NAV2: variants seen among roughly 807,000 people sequenced by gnomAD.
The protein encoded by NAV2 is helicase, APC down-regulated 1.
A neutral mutation model predicts 223.2 loss-of-function variants in NAV2; 54 were observed. The ratio of observed to expected loss-of-function variants is 0.24; its 90% CI spans 0.19 to 0.30. The LOEUF is 0.30. NAV2 is among the 10% of genes least tolerant of loss of function. The pLI, the probability that NAV2 is intolerant of heterozygous loss-of-function variation, is 1.00. For synonymous variants in NAV2, 1,279 were observed against 1,239.3 expected (o/e 1.03, Z -0.67); for missense variants, 2,806 against 3,147.5 (o/e 0.89, Z 2.60).
chr11:19,788,836 A>T (rs1016962119), intron 1 of NAV2, among the ~76,000 whole-genome samples: 2 of 152,052 alleles, frequency 1.3e-5, no homozygotes, highest in African/African-American at 4.8e-5. Context: ...ATCTCTCAGG[A>T]ACTCTACCTA....
At chr11:19,594,890 A>C (rs1203374274) in intron 1 of NAV2, among the ~76,000 whole-genome samples, 1 of 152,230 alleles carries the variant, frequency 6.6e-6, no homozygotes, top group Non-Finnish European at 1.5e-5. Flanking sequence ...ACTTGCAAAG[A>C]TCCTCTCTCA....
intron 11 of NAV2, among the ~76,000 whole-genome samples, chr11:20,030,724 T>A (rs35544133): frequency 0.022 from 3,320 of 152,336 alleles, 63 homozygotes; most frequent in East Asian, 0.044. Flanking sequence ...TCAAATAAAT[T>A]AGAGTTACAA....
intron 1 of NAV2, chr11:19,506,978 C>G (rs1289907396): frequency 1.3e-5 from 2 of 152,156 alleles, no homozygotes; most frequent in African/African-American, 4.8e-5. Context: ...GTCACACACC[C>G]ACAATGCCTG....
At chr11:19,748,514 T>C (rs61480800) in intron 1 of NAV2, among the ~76,000 whole-genome samples, 5,318 of 152,342 alleles carry the variant, frequency 0.035, 123 homozygotes, top group East Asian at 0.053. Context: ...AAACTAGTTA[T>C]AATACATACA....
intron 36 of NAV2, among the ~76,000 whole-genome samples, chr11:20,109,692 A>T (rs2062462446): frequency 6.6e-6 from 1 of 152,220 alleles, no homozygotes; most frequent in South Asian, 2.1e-4. Context: ...TTGCAGGCAG[A>T]TGAGGTGGAC....
At chr11:19,407,200 A>G (rs745491953) in intron 1 of NAV2, among the ~76,000 whole-genome samples, 12 of 152,294 alleles carry the variant, frequency 7.9e-5, no homozygotes, top group Non-Finnish European at 1.2e-4. Flanking sequence ...ACTCCGTTTC[A>G]GGCATTTTGC....
At chr11:19,557,052 A>G (rs545758162) in intron 1 of NAV2, among the ~76,000 whole-genome samples, 3 of 152,326 alleles carry the variant, frequency 2.0e-5, no homozygotes, top group Non-Finnish European at 4.4e-5. Context: ...TGCTTCTATC[A>G]TGTAAAATAA....
intron 6 of NAV2, among the ~76,000 whole-genome samples, chr11:19,901,245 C>T (rs1054561149): frequency 2.6e-5 from 4 of 152,144 alleles, no homozygotes; most frequent in Admixed American, 2.6e-4. Context: ...TCTTGGTTAC[C>T]TTTAAAAGAG....
intron 1 of NAV2, among the ~76,000 whole-genome samples, chr11:19,356,498 A>G (rs1853626949): frequency 6.6e-6 from 1 of 152,158 alleles, no homozygotes; most frequent in Non-Finnish European, 1.5e-5. Context: ...TGGGGGAGGC[A>G]ATTCAATCAG....
At chr11:19,485,992 C>T (rs10833123) in intron 1 of NAV2, among the ~76,000 whole-genome samples, 63,337 of 151,942 alleles carry the variant, frequency 0.42, 13,587 homozygotes, top group East Asian at 0.54. Context: ...ATGCACCCTC[C>T]ACCTGATGCC....
chr11:19,587,633 A>G (rs2045943256), intron 1 of NAV2, among the ~76,000 whole-genome samples: 1 of 152,196 alleles, frequency 6.6e-6, no homozygotes, highest in Non-Finnish European at 1.5e-5. Flanking sequence ...GGGTTAATTC[A>G]TGGCTGATGA....
chr11:20,114,332 G>A, intron 36 of NAV2: 5 of 547,018 alleles, frequency 9.1e-6, no homozygotes, highest in Non-Finnish European at 1.6e-5. Context: ...CGGTGAGTCA[G>A]TGGCAGAGCT....
In NAV2 at chr11:20,051,281, T is replaced by G; in HGVS notation, c.4437-8T>G. 6.2e-7 allele frequency: 1 copy of G among 1,613,908 alleles called. No homozygotes were observed. The highest frequency in any genetic ancestry group is 8.5e-7 in the Non-Finnish European group (1 of 1,179,758). On this transcript the variant is annotated splice_region_variant and splice_polypyrimidine_tract_variant and intron_variant, in intron 16 of 37. Coordinates refer to ENST00000349880, the MANE Select transcript of NAV2 (RefSeq NM_145117.5). Reference sequence around the variant, plus strand: ...GAAGTTCTTATTTTTGTTTTAACTTTCCTACAGTGACCCGCACCTTGATAG... The same window carrying G: ...GAAGTTCTTATTTTTGTTTTAACTTGCCTACAGTGACCCGCACCTTGATAG...
intron 8 of NAV2, among the ~76,000 whole-genome samples, chr11:19,945,405 C>T (rs1441487833): frequency 6.6e-6 from 1 of 151,546 alleles, no homozygotes; most frequent in Non-Finnish European, 1.5e-5. Context: ...CCTCCCTTCA[C>T]TCTCTGTTAC....
chr11:20,096,112 G>T (rs796162623), intron 30 of NAV2, among the ~76,000 whole-genome samples: 70 of 152,330 alleles, frequency 4.6e-4, no homozygotes, highest in Non-Finnish European at 3.4e-4. Flanking sequence ...TTCGGAGTAT[G>T]TAATCTGTGG....
At chr11:20,037,394 A>G (rs1312965321) in intron 12 of NAV2, among the ~76,000 whole-genome samples, 1 of 150,592 alleles carries the variant, frequency 6.6e-6, no homozygotes, top group Non-Finnish European at 1.5e-5. Context: ...AGGATGTATC[A>G]GAGTGTGGGA....
intron 1 of NAV2, among the ~76,000 whole-genome samples, chr11:19,689,875 C>T (rs916882235): frequency 1.3e-5 from 2 of 152,142 alleles, no homozygotes; most frequent in Non-Finnish European, 2.9e-5. Flanking sequence ...GCCAGATGCA[C>T]GATACTGACT....
chr11:20,021,515 T>C (rs1158309081), intron 11 of NAV2, among the ~76,000 whole-genome samples: 1 of 152,190 alleles, frequency 6.6e-6, no homozygotes, highest in African/African-American at 2.4e-5. Flanking sequence ...AACTCGGATG[T>C]TGGACAGATT....
chr11:19,648,164 A>T (rs1459204889), intron 1 of NAV2, among the ~76,000 whole-genome samples: 1 of 152,242 alleles, frequency 6.6e-6, no homozygotes, highest in Non-Finnish European at 1.5e-5. Flanking sequence ...TCTAACAATT[A>T]AAACAGTATA....
Sources: gnomAD v4.1 joint callset for allele counts (sites outside exome capture counted in the v4.1 genomes callset) on GRCh38, gnomAD v4.1.1 for gene constraint, MANE v1.5 for transcripts, NCBI Gene and HGNC (gene_info 2026-07-23, HGNC 2026-07-21) for gene names.